Variants in PCDH15 observed in about 807,000 individuals in gnomAD.
PCDH15 encodes the protein protocadherin-15.
PCDH15 carries 129 observed loss-of-function variants against 178.5 expected under a neutral mutation model. That is an observed-to-expected ratio of 0.72 (90% confidence interval 0.63 to 0.84). The LOEUF (loss-of-function observed/expected upper bound fraction) is 0.84. Among genes scored for constraint, PCDH15 ranks in the 40% least tolerant of loss-of-function variants. PCDH15 has a pLI of 0.00. For synonymous variants in PCDH15, 800 were observed against 732.0 expected, an observed-to-expected ratio of 1.09 and a Z score of -1.50; for missense variants, 2,230 against 2,099.9, an observed-to-expected ratio of 1.06 and a Z score of -1.21.
intron 18 of PCDH15, among the ~76,000 whole-genome samples, chr10:54,055,202 T>A (rs2660152): frequency 3.3e-5 from 5 of 152,046 alleles, no homozygotes; most frequent in African/African-American, 9.7e-5. Flanking sequence ...GAAACATTCC[T>A]ACAATATCTT....
At chr10:53,831,178 G>C (rs562551493) in intron 30 of PCDH15, 137 bp downstream of exon 30, 1 of 833,310 alleles carries the variant, frequency 1.2e-6, no homozygotes, top group Non-Finnish European at 2.1e-6. Context: ...CATTTGGTAC[G>C]AGATAGACAG....
intron 2 of PCDH15, among the ~76,000 whole-genome samples, chr10:54,560,115 GT>G (rs1239036231): frequency 6.6e-6 from 1 of 152,022 alleles, no homozygotes; most frequent in African/African-American, 2.4e-5. Flanking sequence ...GATTCATCAT[GT>G]GAACCTGTTG....
At chr10:54,444,069 G>A (rs2076000576) in intron 3 of PCDH15, among the ~76,000 whole-genome samples, 2 of 151,618 alleles carry the variant, frequency 1.3e-5, no homozygotes, top group Admixed American at 1.3e-4. Flanking sequence ...AATTCAGAAT[G>A]TCTAGGTAAC....
intron 2 of PCDH15, among the ~76,000 whole-genome samples, chr10:55,112,951 T>C (rs1837545092): frequency 6.6e-6 from 1 of 152,156 alleles, no homozygotes; most frequent in Non-Finnish European, 1.5e-5. Flanking sequence ...AAGGGCGTAA[T>C]ACTGTGCTTA....
chr10:54,868,278 A>T (rs553449075), intron 3 of PCDH15, among the ~76,000 whole-genome samples: 4 of 152,282 alleles, frequency 2.6e-5, no homozygotes, highest in African/African-American at 4.8e-5. Flanking sequence ...CTTTTGAATT[A>T]TACCTGTCTA....
intron 5 of PCDH15, among the ~76,000 whole-genome samples, chr10:54,352,020 T>C (rs2134269504): frequency 6.6e-6 from 1 of 152,324 alleles, no homozygotes; most frequent in South Asian, 2.1e-4. Context: ...AATATTGTGT[T>C]GTACATATAT....
In PCDH15 at chr10:54,563,157, T is replaced by C. The variant is rs75985647; in HGVS notation, c.92-35280A>G. ...TTTAAAACAATTTACATTTTGCTTA[T>C]CATTTTGATCTTCCTCTTATGATCT... On this transcript the variant is annotated intron_variant, in intron 2 of 37. Transcript: ENST00000644397. 2.9e-3 allele frequency among the ~76,000 whole-genome samples: 441 copies of C among 152,292 alleles called. 2 individuals carry two copies. Among genetic ancestry groups the C allele is most frequent in the African/African-American group, 0.01 (433 of 41,576 alleles).
chr10:54,483,775 A>G (rs906192212), intron 3 of PCDH15, among the ~76,000 whole-genome samples: 2 of 151,734 alleles, frequency 1.3e-5, no homozygotes, highest in African/African-American at 4.8e-5. Context: ...GAGTATATTC[A>G]TTATTTTAGT....
rs1480178756 is a variant in PCDH15, at chr10:54,081,281, T to C, written c.1998-1857A>G. Among the ~76,000 whole-genome samples the C allele has an allele frequency of 2.7e-5, 4 of 149,108 alleles. No individual in the cohort carries two copies. The East Asian group carries it at 7.9e-4, about 29-fold the overall frequency. On this transcript the variant is annotated intron_variant, in intron 16 of 37. Transcript: ENST00000644397. The stretch of plus-strand genomic sequence containing the variant: ...GGAATGGTTTCTTATAAATAATCTA[T>C]ATCGCCTCCCAACTGTATATAGTAT...
Position 55,356,275 on chromosome 10 carries a change from G to A in PCDH15, c.-155-189624C>T, listed in dbSNP as rs1845078122. ...AAAGAATGAGAGAGGGAAAGAATAA[G>A]AGATGGGAGAAAGGAGAGTGGCAAG... On this transcript the variant is annotated intron_variant, in intron 2 of 5. Transcript: ENST00000613346. Among the ~76,000 whole-genome samples the A allele has an allele frequency of 2.6e-5, 4 of 151,672 alleles. No individual in the cohort carries two copies. The South Asian group carries it at 6.2e-4, about 24-fold the overall frequency.
At position 54,236,947 on chromosome 10, in the gene PCDH15, A is replaced by G. The variant is rs778415779; in HGVS notation, c.877-16T>C. On this transcript the variant is annotated splice_polypyrimidine_tract_variant and intron_variant, in intron 8 of 37. Transcript: ENST00000644397. Reference sequence around the variant, plus strand: ...TCAGTTCTTCCTGAAAAAAAAATTAAGAGAGTTTCATTCAGCCGCATTACT... The same window carrying G: ...TCAGTTCTTCCTGAAAAAAAAATTAGGAGAGTTTCATTCAGCCGCATTACT... 2 of 1,588,756 alleles carry G rather than the reference A, an allele frequency of 1.3e-6. No individual in the cohort carries two copies. Among genetic ancestry groups the G allele is most frequent in the Admixed American group, 1.7e-5 (1 of 59,966 alleles).
At chr10:54,965,160 C>A (rs1297949354) in intron 2 of PCDH15, among the ~76,000 whole-genome samples, 1 of 152,060 alleles carries the variant, frequency 6.6e-6, no homozygotes, top group East Asian at 1.9e-4. Context: ...GAACAAAATA[C>A]AATATTTTGC....
At chr10:54,487,034 A>G (rs945816286) in intron 3 of PCDH15, among the ~76,000 whole-genome samples, 4 of 152,064 alleles carry the variant, frequency 2.6e-5, no homozygotes, top group African/African-American at 7.2e-5. Context: ...ACTGCCATTC[A>G]TACTTGTCAT....
chr10:55,127,709 A>G (rs1038484002), intron 2 of PCDH15, among the ~76,000 whole-genome samples: 2 of 152,070 alleles, frequency 1.3e-5, no homozygotes, highest in Admixed American at 1.3e-4. Context: ...TCTATTTGTA[A>G]TCAATTGAGA....
intron 3 of PCDH15, among the ~76,000 whole-genome samples, chr10:54,504,645 A>T (rs2081011499): frequency 6.6e-6 from 1 of 152,180 alleles, no homozygotes; most frequent in Non-Finnish European, 1.5e-5. Flanking sequence ...TGACCCTAAG[A>T]GTAAGGACCA....
intron 2 of PCDH15, among the ~76,000 whole-genome samples, chr10:55,354,469 C>T (rs1027546958): frequency 2.6e-5 from 4 of 152,118 alleles, no homozygotes; most frequent in South Asian, 2.1e-4. Context: ...TTTGGGTTAC[C>T]GACGACCTCA....
intron 1 of PCDH15, among the ~76,000 whole-genome samples, chr10:54,677,605 T>C (rs2135586521): frequency 6.6e-6 from 1 of 152,172 alleles, no homozygotes; most frequent in African/African-American, 2.4e-5. Flanking sequence ...TTAAAGCTGA[T>C]TGAGAAATAA....
intron 1 of PCDH15, among the ~76,000 whole-genome samples, chr10:54,800,109 C>T (rs993303005): frequency 1.3e-5 from 2 of 152,112 alleles, no homozygotes; most frequent in Non-Finnish European, 2.9e-5. Flanking sequence ...CAATGGCTTT[C>T]TGCATACGTG....
intron 2 of PCDH15, among the ~76,000 whole-genome samples, chr10:55,407,716 ACACACAAG>A (rs1205868702): frequency 6.6e-6 from 1 of 152,178 alleles, no homozygotes; most frequent in East Asian, 1.9e-4. Context: ...ATGCACAAAC[ACACACAAG>A]CATGTGTACT....
Sources: gnomAD v4.1 joint callset for allele counts (sites outside exome capture counted in the v4.1 genomes callset) on GRCh38, gnomAD v4.1.1 for gene constraint, MANE v1.5 for transcripts, NCBI Gene and HGNC (gene_info 2026-07-23, HGNC 2026-07-21) for gene names.